GLG1: variants seen among roughly 807,000 people sequenced by gnomAD.
GLG1 encodes the protein golgi glycoprotein 1, also known as Golgi apparatus protein 1.
GLG1 carries 38 observed loss-of-function variants against 160.5 expected under a neutral mutation model. The observed-to-expected ratio is 0.24, with a 90% CI of 0.18 to 0.31. GLG1 has a LOEUF of 0.31. Ranked by LOEUF, GLG1 falls within the 10% of genes least tolerant of loss-of-function variation. The pLI is 1.00. For synonymous variants in GLG1, 644 were observed against 543.4 expected (o/e 1.19, Z -2.57); for missense variants, 1,373 against 1,505.2 (o/e 0.91, Z 1.45).
chr16:74,576,122 G>A (rs767244182), intron 1 of GLG1, among the ~76,000 whole-genome samples: 7 of 152,036 alleles, frequency 4.6e-5, no homozygotes, highest in Non-Finnish European at 7.4e-5. Context: ...GCTTGAACCC[G>A]GGAGGTGAAG....
intron 1 of GLG1, among the ~76,000 whole-genome samples, chr16:74,572,369 G>C (rs2018853579): frequency 6.6e-6 from 1 of 152,052 alleles, no homozygotes; most frequent in Admixed American, 6.5e-5. Context: ...AATTTAGCTG[G>C]GCATGGTGAC....
intron 1 of GLG1, among the ~76,000 whole-genome samples, chr16:74,593,234 A>C (rs1183053350): frequency 1.3e-5 from 2 of 152,152 alleles, no homozygotes; most frequent in African/African-American, 2.4e-5. Context: ...ACTAATTAAC[A>C]GATGGCATTA....
At chr16:74,545,398 C>T (rs1217630092) in intron 1 of GLG1, among the ~76,000 whole-genome samples, 3 of 152,016 alleles carry the variant, frequency 2.0e-5, no homozygotes, top group African/African-American at 2.4e-5. Context: ...CCAGGCTGGT[C>T]TCGCACTCCT....
chr16:74,532,700 G>T (rs1353578743), intron 1 of GLG1, among the ~76,000 whole-genome samples: 1 of 151,740 alleles, frequency 6.6e-6, no homozygotes, highest in African/African-American at 2.4e-5. Context: ...AATTTTTTTG[G>T]TATTATTTAT....
chr16:74,550,099 C>G (rs532509117), intron 1 of GLG1, among the ~76,000 whole-genome samples: 2 of 152,302 alleles, frequency 1.3e-5, no homozygotes, highest in South Asian at 4.1e-4. Context: ...GCCTGAGCAA[C>G]AGAGCAAGAT....
chr16:74,585,267 G>A (rs1958022654), intron 1 of GLG1, among the ~76,000 whole-genome samples: 2 of 151,988 alleles, frequency 1.3e-5, no homozygotes. Flanking sequence ...AAATTACCTG[G>A]GCGTGGTGGC....
At chr16:74,482,534 G>GTTAA (rs889785637) in intron 10 of GLG1, among the ~76,000 whole-genome samples, 1 of 151,132 alleles carries the variant, frequency 6.6e-6, no homozygotes, top group African/African-American at 2.4e-5. Context: ...ACCGCTTTTT[G>GTTAA]TTAACAGAAT....
chr16:74,478,977 G>T (rs1173230801), intron 11 of GLG1, among the ~76,000 whole-genome samples: 1 of 139,688 alleles, frequency 7.2e-6, no homozygotes, highest in Non-Finnish European at 1.5e-5. Context: ...AGGCCCAGGT[G>T]AGTGGATCAC....
intron 2 of GLG1, among the ~76,000 whole-genome samples, chr16:74,522,243 G>A (rs1183461682): frequency 6.6e-6 from 1 of 152,228 alleles, no homozygotes; most frequent in Non-Finnish European, 1.5e-5. Flanking sequence ...CAAATATTTA[G>A]CCCTTTTGGG....
intron 4 of GLG1, among the ~76,000 whole-genome samples, chr16:74,498,467 T>TATATA (rs1555510304): frequency 1.8e-5 from 1 of 55,884 alleles, no homozygotes; most frequent in Non-Finnish European, 3.6e-5. Flanking sequence ...TATATATATA[T>TATATA]TATATTTTAT....
intron 1 of GLG1, among the ~76,000 whole-genome samples, chr16:74,564,972 A>T (rs2018611642): frequency 6.6e-6 from 1 of 152,180 alleles, no homozygotes; most frequent in African/African-American, 2.4e-5. Flanking sequence ...GTTACCTCCC[A>T]GTTGGATTTG....
rs1238618170 is a variant in GLG1, at chr16:74,463,427, T to G, written c.2720A>C (p.Asn907Thr). The G allele has an allele frequency of 1.9e-6, 3 of 1,613,728 alleles. No homozygotes were observed. The highest frequency in any genetic ancestry group is 2.5e-6 in the Non-Finnish European group (3 of 1,179,704). ...SKTMLQCLKQ[N>T]KNSELMDPKC... The stretch of plus-strand genomic sequence containing the variant: ...GGGATCCATCAATTCACTGTTTTTA[T>G]TTTGCTTCAAGCACTGCAACATGGT... Residue 907 changes from asparagine to threonine, a missense_variant, in exon 20 of 26, where the codon AAT becomes ACT. Asn to Thr is a moderately conservative substitution (Grantham distance 65). Transcript: ENST00000422840.
In GLG1 at chr16:74,483,140, G is replaced by A; in HGVS notation, c.1572-16C>T. 1 of 1,404,720 alleles carries A rather than the reference G, an allele frequency of 7.1e-7. No individual in the cohort carries two copies. The highest frequency in any genetic ancestry group is 1.2e-5 in the South Asian group (1 of 86,616). The allele number at this position is 1,404,720 out of a possible 1,614,324, so 87.0% of individuals were successfully genotyped here. ...CGACAAGATCCTAGCCATTAAATGT[G>A]TAAAATTGTAACAAGAGAGAAGTGT... is the stretch of plus-strand genomic sequence containing the variant. On this transcript the variant is annotated splice_polypyrimidine_tract_variant and intron_variant, in intron 9 of 25. Transcript: ENST00000422840.
At chr16:74,603,244 T>C (rs1159018313) in intron 1 of GLG1, among the ~76,000 whole-genome samples, 1 of 151,818 alleles carries the variant, frequency 6.6e-6, no homozygotes, top group Non-Finnish European at 1.5e-5. Flanking sequence ...ACTCTGTCTC[T>C]ACTAAAAATA....
chr16:74,594,450 GTTCTC>G (rs1958255021), intron 1 of GLG1, among the ~76,000 whole-genome samples: 1 of 152,208 alleles, frequency 6.6e-6, no homozygotes, highest in Admixed American at 6.6e-5. Flanking sequence ...CAGATGCCTG[GTTCTC>G]TTAAGTCATT....
intron 7 of GLG1, among the ~76,000 whole-genome samples, chr16:74,492,617 G>A (rs139420382): frequency 1.3e-3 from 192 of 151,632 alleles, no homozygotes; most frequent in African/African-American, 4.2e-3. Context: ...TTGGGAGTTC[G>A]AGACCAGCCT....
intron 20 of GLG1, 125 bp downstream of exon 20, chr16:74,463,231 A>G: frequency 1.1e-6 from 1 of 896,964 alleles, no homozygotes; most frequent in Non-Finnish European, 1.7e-6. Context: ...CCCTGCTTAC[A>G]CTCAGACTCC....
chr16:74,534,493 T>C (rs2017633359), intron 1 of GLG1, among the ~76,000 whole-genome samples: 1 of 152,232 alleles, frequency 6.6e-6, no homozygotes, highest in Non-Finnish European at 1.5e-5. Context: ...AGGTGCATTC[T>C]TGAAAGAAAT....
At chr16:74,519,200 C>G (rs2017079810) in intron 2 of GLG1, among the ~76,000 whole-genome samples, 1 of 152,026 alleles carries the variant, frequency 6.6e-6, no homozygotes, top group Non-Finnish European at 1.5e-5. Context: ...ATGGATGAAG[C>G]TGGAAACCAT....
Sources: gnomAD v4.1 joint callset for allele counts (sites outside exome capture counted in the v4.1 genomes callset) on GRCh38, gnomAD v4.1.1 for gene constraint, MANE v1.5 for transcripts, NCBI Gene and HGNC (gene_info 2026-07-23, HGNC 2026-07-21) for gene names.